Variants in CFAP74 observed in about 807,000 individuals in gnomAD.
The protein encoded by CFAP74 is cilia- and flagella-associated protein 74.
In CFAP74, 124 loss-of-function variants were observed where a neutral mutation model predicts 188.9. The ratio of observed to expected loss-of-function variants is 0.66; its 90% CI spans 0.57 to 0.76. The LOEUF (loss-of-function observed/expected upper bound fraction) is 0.76. Among genes scored for constraint, CFAP74 ranks in the 30% least tolerant of loss-of-function variants. The pLI, the probability that CFAP74 is intolerant of heterozygous loss-of-function variation, is 0.00. For synonymous variants in CFAP74, 956 were observed against 916.7 expected (o/e 1.04, Z -0.77); for missense variants, 2,198 against 2,165.2 (o/e 1.02, Z -0.30).
At chr1:1,961,091 A>G (rs188158376) in intron 14 of CFAP74, among the ~76,000 whole-genome samples, 27 of 152,328 alleles carry the variant, frequency 1.8e-4, no homozygotes, top group African/African-American at 6.3e-4. Flanking sequence ...GATTAGCAGC[A>G]CTAAGGGGAC....
At position 1,968,831 on chromosome 1, in the gene CFAP74, G is replaced by A. The variant is rs1655670185; in HGVS notation, c.1049C>T (p.Ala350Val). 2 of 1,613,606 alleles carry A rather than the reference G, an allele frequency of 1.2e-6. No homozygotes were observed. The highest frequency in any genetic ancestry group is 1.7e-5 in the Admixed American group (1 of 59,966). ...RRQELEAQKRAFEEEQKLRKQ... is the reference protein window; with the variant it reads ...RRQELEAQKRVFEEEQKLRKQ... ...TCTGAGCTTCTGCTCCTCCTCAAAG[G>A]CCCTGCGTGGAGTCGCTTCTCAGAT... Residue 350 changes from alanine (A) to valine (V), a missense_variant and splice_region_variant, in exon 11 of 39, where the codon GCC becomes GTC. By Grantham distance (64) the Ala-to-Val change is moderately conservative. Transcript: ENST00000682832. The surrounding 1 kb of genome is among the most constrained non-coding windows in gnomAD (Gnocchi z 4.3).
intron 25 of CFAP74, among the ~76,000 whole-genome samples, chr1:1,937,998 ACT>A (rs1653020707): frequency 2.6e-5 from 4 of 152,136 alleles, no homozygotes; most frequent in Middle Eastern, 6.8e-3. Flanking sequence ...ACACTCAAGC[ACT>A]CACACATACA....
rs1651427494 is a variant in CFAP74 at position 1,922,119 on chromosome 1, G to A, written c.*168C>T. ...TGCTCTTGGATGTCCCTGGGCTTGC[G>A]GGGTCCAGGGCAGCAGGAAGTGGCC... is the stretch of plus-strand genomic sequence containing the variant. On this transcript the variant is annotated 3_prime_UTR_variant, in exon 39 of 39. Coordinates refer to ENST00000682832, the MANE Select transcript of CFAP74 (RefSeq NM_001304360.2). 8.6e-6 allele frequency: 5 copies of A among 583,688 alleles called. No homozygotes were observed. Among genetic ancestry groups the A allele is most frequent in the Admixed American group, 3.3e-5 (1 of 30,286 alleles). The allele number at this position is 583,688 out of a possible 1,614,324, so 36.2% of individuals were successfully genotyped here. A position where few individuals can be genotyped will look rare whatever the true frequency, so the allele number is the denominator to read the frequency against.
At chr1:1,926,861 A>T in intron 29 of CFAP74, 33 bp downstream of exon 29, 2 of 1,549,580 alleles carry the variant, frequency 1.3e-6, no homozygotes, top group Non-Finnish European at 1.7e-6. Context: ...TTTGCGGCTG[A>T]CCACACCCTG....
rs535850469 is a variant in CFAP74 at position 1,923,580 on chromosome 1, G to A, written c.4390-81C>T. On this transcript the variant is annotated intron_variant, in intron 35 of 38. Coordinates refer to ENST00000682832, the MANE Select transcript of CFAP74 (RefSeq NM_001304360.2). This position sits in a 1 kb window ranked among gnomAD's most constrained non-coding sequence, Gnocchi z 6.3. ...CTGGTGAGAGCTGGGCTGGCTCAGG[G>A]AAGGAAGCAGGGACGGCCTGGGGGC... is the stretch of plus-strand genomic sequence containing the variant. 95 of 1,562,958 alleles carry A rather than the reference G, an allele frequency of 6.1e-5. No homozygotes were observed. In the African/African-American group the frequency reaches 7.7e-4, roughly 13 times the overall value.
intron 1 of CFAP74, among the ~76,000 whole-genome samples, chr1:1,991,214 G>A (rs1425653923): frequency 1.3e-5 from 2 of 152,080 alleles, no homozygotes; most frequent in African/African-American, 2.4e-5. Context: ...GGTGGCTCAT[G>A]CCTGTAATCC....
chr1:1,983,011 C>T (rs1368598097), intron 6 of CFAP74, among the ~76,000 whole-genome samples: 2 of 152,230 alleles, frequency 1.3e-5, no homozygotes, highest in African/African-American at 2.4e-5. Context: ...GCGGCAGACA[C>T]GAACGCAGGA....
rs910761946 is a variant in CFAP74 at position 1,993,852 on chromosome 1, G to T, written c.-19-2877C>A. Among the ~76,000 whole-genome samples the T allele has an allele frequency of 6.0e-5, 9 of 151,048 alleles. No individual in the cohort carries two copies. In the East Asian group the frequency reaches 9.8e-4, roughly 16 times the overall value. ...AAAAAATTAGCCGGGCGTGGTGGCGGGCGCCTATAGTCCCAGCTACTCGGG... is the reference window on the plus strand; with the variant it reads ...AAAAAATTAGCCGGGCGTGGTGGCGTGCGCCTATAGTCCCAGCTACTCGGG... On this transcript the variant is annotated intron_variant, in intron 1 of 38. Coordinates refer to ENST00000682832, the MANE Select transcript of CFAP74 (RefSeq NM_001304360.2).
In CFAP74 at chr1:1,930,135, CGTG is replaced by C. The variant is rs935361653; in HGVS notation, c.3210_3212del (p.Thr1071del). On this transcript the variant is annotated inframe_deletion, in exon 26 of 39. Transcript: ENST00000682832. ...CTGGGGGCAGCAGGAACTCGAAAGACGTGGGCCCCATGGGAGAGGCGTCCTCTG... is the reference window on the plus strand; with the variant it reads ...CTGGGGGCAGCAGGAACTCGAAAGACGGCCCCATGGGAGAGGCGTCCTCTG... 6.5e-7 allele frequency: 1 copy of C among 1,535,430 alleles called. No individual in the cohort carries two copies. Among genetic ancestry groups the C allele is most frequent in the African/African-American group, 1.4e-5 (1 of 73,012 alleles).
chr1:1,951,087 G>C (rs1276837179), intron 18 of CFAP74, among the ~76,000 whole-genome samples: 1 of 152,192 alleles, frequency 6.6e-6, no homozygotes, highest in African/African-American at 2.4e-5. Flanking sequence ...ATAAAGGAAA[G>C]AGGTTTAATT....
At chr1:1,938,548 G>T (rs61265292) in intron 25 of CFAP74, among the ~76,000 whole-genome samples, 1 of 151,698 alleles carries the variant, frequency 6.6e-6, no homozygotes, top group Non-Finnish European at 1.5e-5. Flanking sequence ...ATACGTCTGC[G>T]CACACACGTT....
intron 21 of CFAP74, among the ~76,000 whole-genome samples, chr1:1,943,574 G>A (rs1304414247): frequency 6.6e-6 from 1 of 152,232 alleles, no homozygotes; most frequent in Non-Finnish European, 1.5e-5. Context: ...TTTCCCACCG[G>A]CGTGGCTGTT....
At chr1:2,001,403 C>G (rs1658200402) in intron 1 of CFAP74, among the ~76,000 whole-genome samples, 1 of 151,610 alleles carries the variant, frequency 6.6e-6, no homozygotes, top group Non-Finnish European at 1.5e-5. Context: ...AGGGTCGGCT[C>G]ACTGCAAACT....
intron 6 of CFAP74, among the ~76,000 whole-genome samples, chr1:1,977,551 T>C (rs1570961242): frequency 6.6e-6 from 1 of 151,996 alleles, no homozygotes; most frequent in South Asian, 2.1e-4. Flanking sequence ...AGGAGAAGGA[T>C]CCCAGAGGAG....
At chr1:1,951,553 T>C (rs140652246) in intron 18 of CFAP74, among the ~76,000 whole-genome samples, 31 of 152,378 alleles carry the variant, frequency 2.0e-4, no homozygotes, top group Non-Finnish European at 4.0e-4. Context: ...TACTTCATAG[T>C]AATCTTGAAA....
chr1:1,939,171 AGT>A (rs1653176533), intron 24 of CFAP74, among the ~76,000 whole-genome samples, 183 bp from the exon 25 acceptor site: 1 of 152,156 alleles, frequency 6.6e-6, no homozygotes, highest in South Asian at 2.1e-4. Flanking sequence ...CATGTGTATG[AGT>A]GCATGAGCAA....
intron 28 of CFAP74, 116 bp downstream of exon 28, chr1:1,927,491 C>G (rs372179216): frequency 9.7e-7 from 1 of 1,027,600 alleles, no homozygotes. Context: ...ATCAGTCCTT[C>G]CAGCCACATG....
At chr1:1,991,536 G>T (rs1416625589) in intron 1 of CFAP74, among the ~76,000 whole-genome samples, 1 of 152,132 alleles carries the variant, frequency 6.6e-6, no homozygotes, top group Non-Finnish European at 1.5e-5. Flanking sequence ...CCGGGAGGCA[G>T]AGGTTGCAGT....
intron 3 of CFAP74, 99 bp downstream of exon 3, chr1:1,988,790 G>A: frequency 2.5e-6 from 3 of 1,180,304 alleles, no homozygotes; most frequent in Admixed American, 2.1e-5. Context: ...GCCTGTGGGA[G>A]GGAGGAAGCA....
Sources: allele counts gnomAD v4.1 joint callset (sites outside exome capture counted in the v4.1 genomes callset), GRCh38; gene constraint gnomAD v4.1.1; non-coding constraint Gnocchi (gnomAD v3.1); transcripts MANE v1.5; gene names NCBI Gene and HGNC (gene_info 2026-07-23, HGNC 2026-07-21).